The following MICAL2 variants were observed in gnomAD, a reference collection of about 807,000 sequenced individuals.
The protein encoded by MICAL2 is microtubule associated monooxygenase, calponin and LIM domain containing 2.
MICAL2 carries 77 observed loss-of-function variants against 127.3 expected under a neutral mutation model. That is an observed-to-expected ratio of 0.60 (90% CI 0.50 to 0.73). The LOEUF is 0.73. Ranked by LOEUF, MICAL2 falls within the 30% of genes least tolerant of loss-of-function variation. MICAL2 has a pLI of 0.00. For synonymous variants in MICAL2, 570 were observed against 551.1 expected (o/e 1.03, Z -0.48); for missense variants, 1,351 against 1,434.4 (o/e 0.94, Z 0.94).
At chr11:12,207,348 C>G (rs1248559341) in intron 4 of MICAL2, among the ~76,000 whole-genome samples, 1 of 152,214 alleles carries the variant, frequency 6.6e-6, no homozygotes, top group Non-Finnish European at 1.5e-5. Flanking sequence ...TCAAACCCAC[C>G]AAATACAGAA....
At chr11:12,179,803 A>G (rs1857227397) in intron 3 of MICAL2, among the ~76,000 whole-genome samples, 1 of 152,240 alleles carries the variant, frequency 6.6e-6, no homozygotes, top group African/African-American at 2.4e-5. Context: ...TGATAACTTA[A>G]TGCTGAGCCT....
intron 1 of MICAL2, among the ~76,000 whole-genome samples, chr11:12,277,260 G>A (rs980690143): frequency 1.3e-5 from 2 of 151,880 alleles, no homozygotes; most frequent in African/African-American, 4.8e-5. Flanking sequence ...AGAGAAAGAG[G>A]GGAGGCATCC....
At chr11:12,231,846 T>C (rs1590508637) in intron 15 of MICAL2, among the ~76,000 whole-genome samples, 4 of 152,244 alleles carry the variant, frequency 2.6e-5, no homozygotes, top group African/African-American at 9.6e-5. Flanking sequence ...GCGCAGGTCA[T>C]GGCTGAAGCT....
At chr11:12,317,791 CAA>C (rs34962883) in intron 29 of MICAL2, among the ~76,000 whole-genome samples, 7 of 130,770 alleles carry the variant, frequency 5.4e-5, no homozygotes, top group Admixed American at 1.5e-4. Flanking sequence ...GACTCCGTCT[CAA>C]AAAAAAAAAA....
In MICAL2 at chr11:12,189,966, A is replaced by G. The variant is rs114737725; in HGVS notation, c.265-14284A>G. Among the ~76,000 whole-genome samples the G allele has an allele frequency of 4.6e-3, 708 of 152,326 alleles. 4 individuals are homozygous for G. The highest frequency in any genetic ancestry group is 0.016 in the African/African-American group (673 of 41,582). On this transcript the variant is annotated intron_variant, in intron 3 of 27. Coordinates refer to ENST00000683283, the MANE Select transcript of MICAL2 (RefSeq NM_001282663.2). The stretch of plus-strand genomic sequence containing the variant: ...CATACAGTAATCATGGGCAGTCGGG[A>G]TGGTGTAGGATTGGAGCCTCCCGAT...
chr11:12,162,330 A>T lies in MICAL2; in HGVS notation c.175A>T (p.Thr59Ser). Residue 59 changes from threonine to serine, a missense_variant, in exon 3 of 28, where the codon ACC (threonine) becomes TCC (serine). Around this residue, in one of 2 missense-constraint regions of MICAL2, gnomAD observed 599 missense variants for 714.9 expected, o/e 0.84. Coordinates refer to ENST00000683283, the MANE Select transcript of MICAL2 (RefSeq NM_001282663.2). ...FYSKLKSKVT[T>S]WKAKALWYKL... The stretch of plus-strand genomic sequence containing the variant: ...TTCCAAGCTCAAGTCCAAGGTGACC[A>T]CCTGGAAAGCCAAAGCCCTGTGGTA... 6.2e-7 allele frequency: 1 copy of T among 1,614,260 alleles called. No individual in the cohort carries two copies. The highest frequency in any genetic ancestry group is 8.5e-7 in the Non-Finnish European group (1 of 1,180,046).
chr11:12,234,864 G>C (rs1858810471), intron 15 of MICAL2, among the ~76,000 whole-genome samples: 1 of 152,210 alleles, frequency 6.6e-6, no homozygotes, highest in South Asian at 2.1e-4. Context: ...TGATCGGGTA[G>C]GTTAGGATTT....
intron 1 of MICAL2, among the ~76,000 whole-genome samples, chr11:12,136,368 C>G (rs1468141015): frequency 1.3e-5 from 2 of 152,190 alleles, no homozygotes; most frequent in African/African-American, 4.8e-5. Flanking sequence ...CTGTGCCATG[C>G]CTCAGTTTCC....
chr11:12,217,747 C>G (rs987661514), intron 8 of MICAL2, among the ~76,000 whole-genome samples: 5 of 152,152 alleles, frequency 3.3e-5, no homozygotes, highest in Non-Finnish European at 7.3e-5. Flanking sequence ...GTTGTCAAAG[C>G]CCCTCCAGGC....
intron 3 of MICAL2, among the ~76,000 whole-genome samples, chr11:12,186,428 A>G (rs567408299): frequency 6.6e-6 from 1 of 152,328 alleles, no homozygotes; most frequent in South Asian, 2.1e-4. Context: ...AAAAGGCATC[A>G]TAATTTACAA....
chr11:12,219,184 C>T (rs1856525574), intron 8 of MICAL2, among the ~76,000 whole-genome samples: 1 of 152,194 alleles, frequency 6.6e-6, no homozygotes, highest in Non-Finnish European at 1.5e-5. Flanking sequence ...CCCTCCCACT[C>T]CAGGTGTCTG....
At chr11:12,194,349 C>A (rs1480835131) in intron 3 of MICAL2, among the ~76,000 whole-genome samples, 4 of 152,174 alleles carry the variant, frequency 2.6e-5, no homozygotes, top group South Asian at 4.1e-4. Flanking sequence ...GTGAATACAG[C>A]CTTATAACAG....
rs1293761045 is a variant in MICAL2, at chr11:12,116,293, A to C, written c.-149+5567A>C. ...GCGCCTGGCCCCTCTTTCCCTTTCT[A>C]CTTCCTCCTTTGCTATCCCTCAAAT... is the stretch of plus-strand genomic sequence containing the variant. On this transcript the variant is annotated intron_variant, in intron 1 of 27. Transcript: ENST00000683283. 2.2e-5 allele frequency among the ~76,000 whole-genome samples: 3 copies of C among 138,156 alleles called. No individual in the cohort carries two copies. In the East Asian group the frequency reaches 6.2e-4, roughly 29 times the overall value. 90.6% of individuals were successfully genotyped at this position (138,156 alleles called of 152,430 possible).
chr11:12,131,011 G>GAATTGCCCCAAGGTAAT (rs1305134230), intron 1 of MICAL2, among the ~76,000 whole-genome samples: 5 of 107,784 alleles, frequency 4.6e-5, no homozygotes, highest in Admixed American at 1.1e-4. Context: ...GATCCCAGTA[G>GAATTGCCCCAAGGTAAT]GGCCGGGCGC....
chr11:12,196,390 G>C (rs1356933953), intron 3 of MICAL2, among the ~76,000 whole-genome samples: 2 of 152,148 alleles, frequency 1.3e-5, no homozygotes, highest in Admixed American at 6.5e-5. Context: ...TGCACAGTTG[G>C]CTGGATTCCG....
At chr11:12,296,441 A>T (rs1193091907), downstream of MICAL2, among the ~76,000 whole-genome samples, 1 of 151,330 alleles carries the variant, frequency 6.6e-6, no homozygotes, top group Non-Finnish European at 1.5e-5. Flanking sequence ...AACATGCATA[A>T]TAAATTAATA....
At chr11:12,249,893 C>G (rs1973386) in intron 22 of MICAL2, 5 of 152,138 alleles carry the variant, frequency 3.3e-5, no homozygotes, top group African/African-American at 1.2e-4. Context: ...CTGCCTTGTG[C>G]CAGGAATGTC....
chr11:12,340,445 A>C (rs144229834), intron 32 of MICAL2, among the ~76,000 whole-genome samples: 1 of 152,212 alleles, frequency 6.6e-6, no homozygotes, highest in East Asian at 1.9e-4. Context: ...TGGGAACACA[A>C]ATTGTCACAA....
At chr11:12,312,362 G>A (rs1210892127) in intron 29 of MICAL2, among the ~76,000 whole-genome samples, 1 of 147,094 alleles carries the variant, frequency 6.8e-6, no homozygotes, top group Non-Finnish European at 1.5e-5. Context: ...TGCATGATGT[G>A]CGTTTTATGT....
Sources: allele counts gnomAD v4.1 joint callset (sites outside exome capture counted in the v4.1 genomes callset), GRCh38; gene constraint gnomAD v4.1.1; regional missense constraint gnomAD v4.1.1; transcripts MANE v1.5; gene names NCBI Gene and HGNC (gene_info 2026-07-23, HGNC 2026-07-21).